INSR: variants seen among roughly 807,000 people sequenced by gnomAD.
INSR encodes IR.
INSR carries 67 observed loss-of-function variants against 142.6 expected under a neutral mutation model. That is an observed-to-expected ratio of 0.47 (90% CI 0.39 to 0.58). INSR has a LOEUF of 0.58. INSR is among the 20% of genes least tolerant of loss of function. The probability of loss-of-function intolerance (pLI) is 0.00; values close to 1 mark genes in which losing one functional copy is unlikely to be tolerated. For synonymous variants in INSR, 756 were observed against 743.1 expected (o/e 1.02, Z -0.28); for missense variants, 1,248 against 1,833.2 (o/e 0.68, Z 5.83).
chr19:7,208,304 C>T (rs969719319), intron 2 of INSR, among the ~76,000 whole-genome samples: 5 of 150,602 alleles, frequency 3.3e-5, no homozygotes, highest in Non-Finnish European at 5.9e-5. Flanking sequence ...CATAGAAATC[C>T]CCCCCTTGAA....
Position 7,293,877 on chromosome 19 carries a change from G to C in INSR, c.15C>G (p.Gly5=), listed in dbSNP as rs1476904544. 24 of 1,235,720 alleles carry C rather than the reference G, an allele frequency of 1.9e-5. No homozygotes were observed. The highest frequency in any genetic ancestry group is 2.4e-5 in the Non-Finnish European group (24 of 995,332). 76.5% of individuals were successfully genotyped at this position (1,235,720 alleles called of 1,614,324 possible). The part of the protein sequence containing the change: MATG[G]RRGAAAAPLL... ...GCGGCGCGGCCGCCGCCCCCCGCCG[G>C]CCCCCGGTGGCCATGGCTGCGGGAG... Residue 5 remains glycine (G), a synonymous_variant, in exon 1 of 22, where the codon GGC becomes GGG. Transcript: ENST00000302850.
chr19:7,118,258 C>T lies in INSR; in HGVS notation c.3795-848G>A, dbSNP rs1055547082. On this transcript the variant is annotated intron_variant, in intron 21 of 21. Coordinates refer to ENST00000302850, the MANE Select transcript of INSR (RefSeq NM_000208.4). ...CTTCATCTAAATATATATATATGTA[C>T]ATATGCATATATATTTGGAGGGGGG... Among the ~76,000 whole-genome samples the T allele has an allele frequency of 2.6e-5, 4 of 151,892 alleles. No individual in the cohort carries two copies. The East Asian group carries it at 7.9e-4, about 30-fold the overall frequency.
At chr19:7,262,950 G>A (rs984537369) in intron 2 of INSR, among the ~76,000 whole-genome samples, 12 of 152,190 alleles carry the variant, frequency 7.9e-5, no homozygotes, top group African/African-American at 2.7e-4. Context: ...CCACGTGAAC[G>A]TGCTTAATGC....
intron 2 of INSR, among the ~76,000 whole-genome samples, chr19:7,198,044 T>TGTGTCTGCGTGTGTGCCC (rs979753595): frequency 3.3e-4 from 50 of 151,570 alleles, no homozygotes; most frequent in African/African-American, 1.1e-3. Flanking sequence ...GGCGTGTGTG[T>TGTGTCTGCGTGTGTGCCC]GTGTCTGCGT....
chr19:7,277,908 A>G (rs1360997392), intron 1 of INSR, among the ~76,000 whole-genome samples: 1 of 151,924 alleles, frequency 6.6e-6, no homozygotes, highest in African/African-American at 2.4e-5. Flanking sequence ...CCAGGCCAAC[A>G]TGGTGAAACC....
chr19:7,144,681 G>C (rs1361048057), intron 11 of INSR, among the ~76,000 whole-genome samples: 1 of 151,510 alleles, frequency 6.6e-6, no homozygotes, highest in East Asian at 1.9e-4. Flanking sequence ...CAGGATTACA[G>C]GCATGAGCCA....
intron 1 of INSR, 29 bp downstream of exon 1, chr19:7,293,763 C>A: frequency 7.5e-7 from 1 of 1,326,020 alleles, no homozygotes; most frequent in Non-Finnish European, 9.7e-7. Context: ...CGCGGCGCTC[C>A]CCGCCCACGC....
chr19:7,181,755 A>G (rs1213790087), intron 3 of INSR, among the ~76,000 whole-genome samples: 2 of 150,620 alleles, frequency 1.3e-5, no homozygotes, highest in Non-Finnish European at 3.0e-5. Flanking sequence ...TTGTTTTTGT[A>G]TTTTTAGTAA....
intron 11 of INSR, among the ~76,000 whole-genome samples, chr19:7,145,554 C>A (rs1197655231): frequency 6.6e-6 from 1 of 152,160 alleles, no homozygotes; most frequent in Admixed American, 6.6e-5. Context: ...CCGTAAAGGG[C>A]TAGATAATAA....
At chr19:7,117,985 C>T (rs1972379546) in intron 21 of INSR, among the ~76,000 whole-genome samples, 2 of 151,362 alleles carry the variant, frequency 1.3e-5, no homozygotes, top group Non-Finnish European at 2.9e-5. Flanking sequence ...TAGCTCATTG[C>T]AGCCTTGAAC....
intron 1 of INSR, among the ~76,000 whole-genome samples, chr19:7,282,543 G>A (rs1450120517): frequency 2.0e-5 from 3 of 151,588 alleles, no homozygotes; most frequent in East Asian, 1.9e-4. Context: ...TTAGCTGGGC[G>A]TGGTGGCACA....
intron 4 of INSR, among the ~76,000 whole-genome samples, chr19:7,174,062 T>C (rs1974080044): frequency 6.6e-6 from 1 of 151,442 alleles, no homozygotes; most frequent in Non-Finnish European, 1.5e-5. Context: ...GCAGGAAGAT[T>C]GCTCGAGCCC....
chr19:7,152,673 C>T (rs1973404065), intron 10 of INSR, 53 bp downstream of exon 10: 2 of 1,469,026 alleles, frequency 1.4e-6, no homozygotes, highest in African/African-American at 1.4e-5. Flanking sequence ...TGACCTTCCA[C>T]CAACACCAAG....
At chr19:7,223,941 C>CA (rs758275396) in intron 2 of INSR, among the ~76,000 whole-genome samples, 124 of 134,000 alleles carry the variant, frequency 9.3e-4, no homozygotes, top group Non-Finnish European at 1.8e-3. Flanking sequence ...TAGACTGGAA[C>CA]AAAAAAAAAT....
intron 11 of INSR, among the ~76,000 whole-genome samples, chr19:7,144,022 T>C (rs1177296055): frequency 1.1e-4 from 16 of 149,216 alleles, no homozygotes; most frequent in Non-Finnish European, 2.1e-4. Flanking sequence ...GTCACTGCAC[T>C]CCAGCCTGGG....
At chr19:7,198,921 C>T (rs576221841) in intron 2 of INSR, among the ~76,000 whole-genome samples, 1 of 151,978 alleles carries the variant, frequency 6.6e-6, no homozygotes, top group South Asian at 2.1e-4. Flanking sequence ...CTCACTCTGT[C>T]GCCTCAGGCT....
At chr19:7,283,552 G>A (rs914066135) in intron 1 of INSR, among the ~76,000 whole-genome samples, 13 of 151,882 alleles carry the variant, frequency 8.6e-5, no homozygotes, top group Non-Finnish European at 1.8e-4. Context: ...CAATTCTCCC[G>A]CCTCAGCCTC....
In INSR at chr19:7,152,738, A is replaced by C; in HGVS notation, c.2219T>G (p.Val740Gly). The C allele has an allele frequency of 6.2e-7, 1 of 1,612,714 alleles. No homozygotes were observed. The highest frequency in any genetic ancestry group is 8.5e-7 in the Non-Finnish European group (1 of 1,179,910). The stretch of plus-strand genomic sequence containing the variant: ...GCCAAGTCCTGACCTGGGGACGAAA[A>C]CCACGTTGTGCAGGTAATCCTCAAA... ...KTFEDYLHNVVFVPRKTSSGT... is the reference protein window; with the variant it reads ...KTFEDYLHNVGFVPRKTSSGT... Residue 740 changes from valine (V) to glycine (G), a missense_variant, in exon 10 of 22, where the codon GTT becomes GGT. Val to Gly is a moderately radical substitution (Grantham distance 109). Transcript: ENST00000302850.
At chr19:7,263,998 C>T (rs1033392218) in intron 2 of INSR, among the ~76,000 whole-genome samples, 1 of 152,032 alleles carries the variant, frequency 6.6e-6, no homozygotes, top group Non-Finnish European at 1.5e-5. Context: ...GGAGAAATCC[C>T]ATCTCTACTA....
Sources: allele counts gnomAD v4.1 joint callset (sites outside exome capture counted in the v4.1 genomes callset), GRCh38; gene constraint gnomAD v4.1.1; transcripts MANE v1.5; gene names NCBI Gene and HGNC (gene_info 2026-07-23, HGNC 2026-07-21).